NAMPT: variants seen among roughly 807,000 people sequenced by gnomAD.
NAMPT encodes the protein NAmPRTase.
Under a neutral mutation model 58.7 loss-of-function variants are expected in NAMPT, and 7 were observed. That is an observed-to-expected ratio of 0.12 (90% CI 0.07 to 0.22). The LOEUF (loss-of-function observed/expected upper bound fraction) is 0.22. Ranked by LOEUF, NAMPT falls within the 10% of genes least tolerant of loss-of-function variation. The probability of loss-of-function intolerance (pLI) is 1.00; values close to 1 mark genes in which losing one functional copy is unlikely to be tolerated. For synonymous variants in NAMPT, 145 were observed against 198.1 expected (o/e 0.73, Z 2.25); for missense variants, 271 against 567.9 (o/e 0.48, Z 5.31).
chr7:106,249,085 A>G lies in NAMPT; in HGVS notation c.*1998T>C, dbSNP rs889003520. ...GTGATTATCAAAACTATTATTGGTA[A>G]TAGTTTCTTTTGATTCTTTACACGC... On this transcript the variant is annotated 3_prime_UTR_variant, in exon 11 of 11. Coordinates refer to ENST00000222553, the MANE Select transcript of NAMPT (RefSeq NM_005746.3). The G allele has an allele frequency of 1.3e-5, 2 of 152,300 alleles. No homozygotes were observed. The highest frequency in any genetic ancestry group is 2.9e-5 in the Non-Finnish European group (2 of 67,972). The allele number at this position is 152,300 out of a possible 1,614,324, so 9.4% of individuals were successfully genotyped here.
intron 4 of NAMPT, among the ~76,000 whole-genome samples, chr7:106,271,021 A>G (rs1029883047): frequency 6.6e-6 from 1 of 152,224 alleles, no homozygotes; most frequent in African/African-American, 2.4e-5. Flanking sequence ...GCCCATGATT[A>G]TCCTACCTCT....
At chr7:106,254,954 A>G (rs1376842504) in intron 8 of NAMPT, among the ~76,000 whole-genome samples, 1 of 152,202 alleles carries the variant, frequency 6.6e-6, no homozygotes, top group Non-Finnish European at 1.5e-5. Flanking sequence ...ATTACATGTC[A>G]TATGTAATGG....
At chr7:106,256,672 T>A (rs570929406) in intron 8 of NAMPT, among the ~76,000 whole-genome samples, 2 of 152,340 alleles carry the variant, frequency 1.3e-5, no homozygotes, top group Admixed American at 6.5e-5. Flanking sequence ...TTGTGTTAGA[T>A]GACTGCTCAA....
chr7:106,285,103 GTCTGGGAGC>G, upstream of NAMPT: 1 of 1,343,544 alleles, frequency 7.4e-7, no homozygotes, highest in Non-Finnish European at 9.6e-7. Context: ...CGTGCTCGCA[GTCTGGGAGC>G]TCTGGCGGAC....
chr7:106,254,085 A>G (rs936009087), intron 9 of NAMPT, among the ~76,000 whole-genome samples: 6 of 152,110 alleles, frequency 3.9e-5, no homozygotes, highest in Admixed American at 3.9e-4. Context: ...TTTTTGATCT[A>G]AAGGTAAAAA....
Position 106,263,519 on chromosome 7 carries a change from T to C in NAMPT, c.842A>G (p.Tyr281Cys). ...SVPVSVVSDS[Y>C]DIYNACEKIW... The stretch of plus-strand genomic sequence containing the variant: ...TTTCTCACACGCATTATAAATGTCA[T>C]AGCTATCGCTGACCACAGATACAGG... Residue 281 changes from tyrosine (Y) to cysteine (C), a missense_variant, in exon 7 of 11, where the codon TAT becomes TGT. Physicochemically the swap from Tyr to Cys is radical, Grantham distance 194. Around this residue, in one of 4 missense-constraint regions of NAMPT, gnomAD observed 143 missense variants for 331.1 expected, o/e 0.43. Transcript: ENST00000222553. 1.2e-6 allele frequency: 2 copies of C among 1,611,794 alleles called. No homozygotes were observed. The highest frequency in any genetic ancestry group is 8.5e-7 in the Non-Finnish European group (1 of 1,177,926).
chr7:106,263,450 G>A lies in NAMPT; in HGVS notation c.911C>T (p.Thr304Ile), dbSNP rs1323516558. The A allele has an allele frequency of 1.9e-6, 3 of 1,598,900 alleles. No individual in the cohort carries two copies. The highest frequency in any genetic ancestry group is 2.6e-6 in the Non-Finnish European group (3 of 1,167,000). Residue 304 changes from threonine to isoleucine, a missense_variant, in exon 7 of 11, where the codon ACA (threonine) becomes ATA (isoleucine). By Grantham distance (89) the Thr-to-Ile change is moderately conservative. Transcript: ENST00000222553. ...DLRHLIVSRS[T>I]QAPLIIRPDS... ...AGGTCTGATTATTAGTGGTGCCTGT[G>A]TACTTCTTGATACTATTAAATGTCT...
In NAMPT at chr7:106,269,300, G is replaced by C; in HGVS notation, c.460C>G (p.Gln154Glu). 1 of 1,612,324 alleles carries C rather than the reference G, an allele frequency of 6.2e-7. No homozygotes were observed. The highest frequency in any genetic ancestry group is 2.2e-5 in the East Asian group (1 of 44,812). ...LTNWIETILV[Q>E]SWYPITVATN... ...GCCACTGTGATTGGATACCAGGACT[G>C]AACAAGAATAGTCTGTAGTAACAAA... The change falls in exon 5 of 11, where the codon CAG becomes GAG. Residue 154 changes from glutamine (Q) to glutamate (E), a missense_variant. By Grantham distance (29) the Gln-to-Glu change is conservative (BLOSUM62 2). Around this residue, in one of 4 missense-constraint regions of NAMPT, gnomAD observed 103 missense variants for 194.2 expected, o/e 0.53. Transcript: ENST00000222553.
intron 1 of NAMPT, among the ~76,000 whole-genome samples, chr7:106,280,104 T>G (rs986587990): frequency 2.6e-5 from 4 of 152,164 alleles, no homozygotes; most frequent in Non-Finnish European, 5.9e-5. Context: ...TATGACATGA[T>G]TCACCTTTTA....
chr7:106,262,047 ATTAT>A (rs1792313067), intron 7 of NAMPT, among the ~76,000 whole-genome samples: 1 of 152,100 alleles, frequency 6.6e-6, no homozygotes, highest in Non-Finnish European at 1.5e-5. Context: ...TATATAAAGC[ATTAT>A]TTAACAAACT....
intron 1 of NAMPT, among the ~76,000 whole-genome samples, chr7:106,283,794 T>C (rs1466007723): frequency 6.6e-6 from 1 of 151,872 alleles, no homozygotes; most frequent in African/African-American, 2.4e-5. Context: ...TTAAGTAAAA[T>C]GGAATTCTCT....
At chr7:106,267,848 A>AAAAAAAAAAAAAAAC in intron 6 of NAMPT, among the ~76,000 whole-genome samples, 1 of 83,198 alleles carries the variant, frequency 1.2e-5, no homozygotes, top group East Asian at 3.0e-4. Context: ...CTCAAAAAAA[A>AAAAAAAAAAAAAAAC]AAAAAAAAAA....
At chr7:106,263,792 T>C (rs1004037348) in intron 6 of NAMPT, among the ~76,000 whole-genome samples, 175 bp from the exon 7 acceptor site, 5 of 152,064 alleles carry the variant, frequency 3.3e-5, no homozygotes, top group African/African-American at 1.2e-4. Context: ...GGGTCAACCA[T>C]ACCTTACCCA....
At chr7:106,277,248 T>C (rs1199948930) in intron 1 of NAMPT, 69 bp from the exon 2 acceptor site, 5 of 1,296,784 alleles carry the variant, frequency 3.9e-6, no homozygotes, top group Middle Eastern at 1.9e-4. Flanking sequence ...CAGAAAAGGC[T>C]TGAAGTTATT....
intron 1 of NAMPT, among the ~76,000 whole-genome samples, chr7:106,282,216 CT>C (rs974487622): frequency 6.6e-6 from 1 of 150,586 alleles, no homozygotes; most frequent in Non-Finnish European, 1.5e-5. Flanking sequence ...GCAAAATTTT[CT>C]TTTTTTTTGA....
intron 8 of NAMPT, among the ~76,000 whole-genome samples, chr7:106,261,043 C>T (rs901853611): frequency 1.3e-5 from 2 of 152,212 alleles, no homozygotes; most frequent in South Asian, 2.1e-4. Flanking sequence ...TTGCTCAACA[C>T]AGGGTGGCCA....
chr7:106,252,384 G>A (rs988979268), intron 10 of NAMPT, among the ~76,000 whole-genome samples: 12 of 152,046 alleles, frequency 7.9e-5, no homozygotes, highest in Admixed American at 2.0e-4. Flanking sequence ...CTTAATAAAT[G>A]TAAAAGTAAC....
In NAMPT at chr7:106,249,091, T is replaced by C. The variant is rs1465348157; in HGVS notation, c.*1992A>G. The C allele has an allele frequency of 6.6e-6, 1 of 152,180 alleles. No individual in the cohort carries two copies. The highest frequency in any genetic ancestry group is 6.6e-5 in the Admixed American group (1 of 15,248). 9.4% of individuals were successfully genotyped at this position (152,180 alleles called of 1,614,324 possible). A position where few individuals can be genotyped will look rare whatever the true frequency, so the allele number is the denominator to read the frequency against. On this transcript the variant is annotated 3_prime_UTR_variant, in exon 11 of 11. Coordinates refer to ENST00000222553, the MANE Select transcript of NAMPT (RefSeq NM_005746.3). Reference sequence around the variant, plus strand: ...ATCAAAACTATTATTGGTAATAGTTTCTTTTGATTCTTTACACGCCCCTTA... The same window carrying C: ...ATCAAAACTATTATTGGTAATAGTTCCTTTTGATTCTTTACACGCCCCTTA...
intron 7 of NAMPT, among the ~76,000 whole-genome samples, chr7:106,262,993 A>G (rs1562814380): frequency 6.6e-6 from 1 of 152,080 alleles, no homozygotes; most frequent in South Asian, 2.1e-4. Flanking sequence ...AATTATTTTT[A>G]TTCCACATCA....
Sources: allele counts gnomAD v4.1 joint callset (sites outside exome capture counted in the v4.1 genomes callset), GRCh38; gene constraint gnomAD v4.1.1; regional missense constraint gnomAD v4.1.1; transcripts MANE v1.5; gene names NCBI Gene and HGNC (gene_info 2026-07-23, HGNC 2026-07-21).